The following PTGFR variants were observed in gnomAD, a reference collection of about 807,000 sequenced individuals.
PTGFR encodes the protein prostaglandin F receptor.
In PTGFR, 15 loss-of-function variants were observed where a neutral mutation model predicts 26.2. The ratio of observed to expected loss-of-function variants is 0.57; its 90% CI spans 0.38 to 0.88. The LOEUF is 0.88. Among genes scored for constraint, PTGFR ranks in the 40% least tolerant of loss-of-function variants. The probability of loss-of-function intolerance (pLI) is 0.00; values close to 1 mark genes in which losing one functional copy is unlikely to be tolerated. For missense variants in PTGFR, 369 were observed against 427.2 expected (o/e 0.86, Z 1.20); for synonymous variants, 165 against 151.1 (o/e 1.09, Z -0.68).
chr1:78,494,768 G>A (rs1351426197), intron 2 of PTGFR, among the ~76,000 whole-genome samples: 1 of 152,116 alleles, frequency 6.6e-6, no homozygotes, highest in South Asian at 2.1e-4. Flanking sequence ...ACCAAACCCG[G>A]CTAATTTTTG....
At chr1:78,504,041 A>G (rs1649769677) in intron 2 of PTGFR, among the ~76,000 whole-genome samples, 1 of 152,208 alleles carries the variant, frequency 6.6e-6, no homozygotes, top group African/African-American at 2.4e-5. Context: ...GAGGGTGAAG[A>G]GAGGCACTCT....
intron 2 of PTGFR, among the ~76,000 whole-genome samples, chr1:78,522,647 T>C (rs1388071965): frequency 2.0e-5 from 3 of 152,120 alleles, no homozygotes; most frequent in Non-Finnish European, 4.4e-5. Context: ...AGCCATGGTT[T>C]TCAGTTTCTG....
chr1:78,507,785 A>T (rs1010928797), intron 2 of PTGFR, among the ~76,000 whole-genome samples: 4 of 152,146 alleles, frequency 2.6e-5, no homozygotes, highest in African/African-American at 9.7e-5. Flanking sequence ...TAGATTGCTG[A>T]AGTATGAAAT....
At chr1:78,530,534 C>A (rs1650479371) in intron 2 of PTGFR, among the ~76,000 whole-genome samples, 1 of 152,108 alleles carries the variant, frequency 6.6e-6, no homozygotes, top group African/African-American at 2.4e-5. Context: ...ACACACAAAT[C>A]CTTAGTCATC....
At chr1:78,522,774 T>C (rs1403243225) in intron 2 of PTGFR, among the ~76,000 whole-genome samples, 3 of 152,070 alleles carry the variant, frequency 2.0e-5, no homozygotes, top group African/African-American at 7.2e-5. Flanking sequence ...CAAAATCTGT[T>C]TTTTCTAAAA....
At position 78,532,364 on chromosome 1, in the gene PTGFR, TTATATATATATA is replaced by T. The variant is rs200848855; in HGVS notation, c.799-4020_799-4009del. The T allele has an allele frequency of 2.3e-3, 193 of 85,230 alleles. 14 individuals carry two copies. Among genetic ancestry groups the T allele is most frequent in the African/African-American group, 7.8e-3 (170 of 21,908 alleles). The allele number at this position is 85,230 out of a possible 1,614,324, so 5.3% of individuals were successfully genotyped here. A position where few individuals can be genotyped will look rare whatever the true frequency, so the allele number is the denominator to read the frequency against. Reference sequence around the variant, plus strand: ...AGTTTATGCCGTCAAGTAAATTCATTTATATATATATATATATATATATATATATATATGTAT... The same window carrying T: ...AGTTTATGCCGTCAAGTAAATTCATTTATATATATATATATATATATGTAT... On this transcript the variant is annotated intron_variant, in intron 2 of 2. Coordinates refer to ENST00000370757, the MANE Select transcript of PTGFR (RefSeq NM_000959.4).
intron 2 of PTGFR, among the ~76,000 whole-genome samples, chr1:78,509,678 A>G (rs1570279718): frequency 6.6e-6 from 1 of 152,230 alleles, no homozygotes; most frequent in Non-Finnish European, 1.5e-5. Flanking sequence ...ATGGCAATCT[A>G]TGTAGCAGTA....
At chr1:78,497,813 G>A (rs954156731) in intron 2 of PTGFR, 9 of 1,120,202 alleles carry the variant, frequency 8.0e-6, no homozygotes, top group African/African-American at 6.2e-5. Context: ...GACTTAGGAC[G>A]CTATTAAACT....
Position 78,539,018 on chromosome 1 carries a change from C to T in PTGFR, c.*2331C>T, listed in dbSNP as rs1409370993. The T allele has an allele frequency of 1.3e-5, 2 of 151,784 alleles. No individual in the cohort carries two copies. The highest frequency in any genetic ancestry group is 2.9e-5 in the Non-Finnish European group (2 of 67,912). The allele number at this position is 151,784 out of a possible 1,614,324, so 9.4% of individuals were successfully genotyped here. On this transcript the variant is annotated 3_prime_UTR_variant, in exon 3 of 3. Transcript: ENST00000370757. ...AGTGAATTTTTCTAAAAAGATGAGA[C>T]AAAAGCAAAAATATCACACATAGGT...
chr1:78,522,201 T>C (rs1170107616), intron 2 of PTGFR, among the ~76,000 whole-genome samples: 1 of 152,070 alleles, frequency 6.6e-6, no homozygotes, highest in Non-Finnish European at 1.5e-5. Flanking sequence ...GTGGCCCCTC[T>C]ATGCACAAAC....
At chr1:78,494,563 C>T (rs1389002473) in intron 2 of PTGFR, among the ~76,000 whole-genome samples, 1 of 152,218 alleles carries the variant, frequency 6.6e-6, no homozygotes, top group Non-Finnish European at 1.5e-5. Context: ...AGGCTCCAAA[C>T]AGGCTCATTG....
intron 2 of PTGFR, among the ~76,000 whole-genome samples, chr1:78,510,869 G>A (rs1259765081): frequency 6.6e-6 from 1 of 152,120 alleles, no homozygotes; most frequent in Non-Finnish European, 1.5e-5. Flanking sequence ...TTCCCAAAGG[G>A]GGAAATAGGC....
intron 2 of PTGFR, among the ~76,000 whole-genome samples, chr1:78,516,935 G>A (rs1283840813): frequency 6.6e-6 from 1 of 152,036 alleles, no homozygotes; most frequent in Non-Finnish European, 1.5e-5. Context: ...ACAAACTTTT[G>A]TCTTGAAAAT....
At chr1:78,504,426 C>G (rs1649779054) in intron 2 of PTGFR, among the ~76,000 whole-genome samples, 1 of 151,952 alleles carries the variant, frequency 6.6e-6, no homozygotes, top group Non-Finnish European at 1.5e-5. Flanking sequence ...TTGTATTTTT[C>G]TAAATGATTT....
At chr1:78,506,343 A>C (rs1433716603) in intron 2 of PTGFR, among the ~76,000 whole-genome samples, 1 of 151,956 alleles carries the variant, frequency 6.6e-6, no homozygotes, top group African/African-American at 2.4e-5. Context: ...TTTGGAAAAA[A>C]TCTTTTATTT....
chr1:78,531,578 G>A (rs1650507367), intron 2 of PTGFR, among the ~76,000 whole-genome samples: 1 of 152,126 alleles, frequency 6.6e-6, no homozygotes, highest in African/African-American at 2.4e-5. Context: ...GAAGTTAAAG[G>A]TCATAGAGAG....
chr1:78,494,729 C>CT (rs1649502424), intron 2 of PTGFR, among the ~76,000 whole-genome samples: 1 of 152,184 alleles, frequency 6.6e-6, no homozygotes. Flanking sequence ...CCTCAGCCTC[C>CT]TGAGTAGCTG....
chr1:78,492,990 A>G lies in PTGFR; in HGVS notation c.247A>G (p.Ile83Val). The change falls in exon 2 of 3, where the codon ATC (isoleucine) becomes GTC (valine). Residue 83 changes from isoleucine (I) to valine (V), a missense_variant. Coordinates refer to ENST00000370757, the MANE Select transcript of PTGFR (RefSeq NM_000959.4). ...AATCACTGATTTCTTTGGCCATCTC[A>G]TCAATGGAGCCATAGCAGTATTTGT... ...LVITDFFGHL[I>V]NGAIAVFVYA... 2 of 1,614,198 alleles carry G rather than the reference A, an allele frequency of 1.2e-6. No homozygotes were observed. The highest frequency in any genetic ancestry group is 1.7e-6 in the Non-Finnish European group (2 of 1,180,038).
In PTGFR at chr1:78,493,445, T is replaced by C. The variant is rs145225940; in HGVS notation, c.702T>C (p.Ser234=). ...CACTTTTAAGAGTTAAATTTAAAAGTCAGCAGCACAGACAAGGCAGATCTC... is the reference window on the plus strand; with the variant it reads ...CACTTTTAAGAGTTAAATTTAAAAGCCAGCAGCACAGACAAGGCAGATCTC... ...GITLLRVKFK[S]QQHRQGRSHH... The change falls in exon 2 of 3, where the codon AGT becomes AGC. Residue 234 remains serine (S), a synonymous_variant. Transcript: ENST00000370757. 1 of 1,612,666 alleles carries C rather than the reference T, an allele frequency of 6.2e-7. No individual in the cohort carries two copies. Among genetic ancestry groups the C allele is most frequent in the Non-Finnish European group, 8.5e-7 (1 of 1,179,210 alleles).
Sources: gnomAD v4.1 joint callset for allele counts (sites outside exome capture counted in the v4.1 genomes callset) on GRCh38, gnomAD v4.1.1 for gene constraint, MANE v1.5 for transcripts, NCBI Gene and HGNC (gene_info 2026-07-23, HGNC 2026-07-21) for gene names.